The following TAS2R14 variants were observed in gnomAD, a reference collection of about 807,000 sequenced individuals.
TAS2R14 encodes taste receptor type 2 member 14.
For synonymous variants in TAS2R14, 131 were observed against 131.0 expected, an observed-to-expected ratio of 1.00 and a Z score of 0.00; for missense variants, 383 against 372.0, an observed-to-expected ratio of 1.03 and a Z score of -0.24.
exon 1 of TAS2R14, chr12:10,937,660 A>T (rs994282079): frequency 6.6e-6 from 1 of 152,190 alleles, no homozygotes; most frequent in Non-Finnish European, 1.5e-5. Context: ...TAAAATGGAG[A>T]AGTAAAATAA....
At chr12:10,938,767 CA>C in intron 4 of TAS2R14, 2 of 1,613,756 alleles carry the variant, frequency 1.2e-6, no homozygotes, top group Non-Finnish European at 1.7e-6. Context: ...GGATGTTTAT[CA>C]GTGCAATATT....
At chr12:10,938,547 C>T in exon 1 of TAS2R14, 6 of 1,613,996 alleles carry the variant, frequency 3.7e-6, no homozygotes, top group Non-Finnish European at 5.1e-6. Context: ...GTGCTGGCGT[C>T]TCCGGATATT....
chr12:10,938,643 T>G (rs375408441), exon 1 of TAS2R14: 1 of 1,613,798 alleles, frequency 6.2e-7, no homozygotes, highest in Non-Finnish European at 8.5e-7. Flanking sequence ...GTAAAGGGTA[T>G]GAAAATGAAC....
exon 5 of TAS2R14, chr12:10,938,362 AAG>A (rs1950325646): frequency 6.2e-7 from 1 of 1,613,906 alleles, no homozygotes; most frequent in Non-Finnish European, 8.5e-7. Context: ...TCTTGTTTCC[AAG>A]AATCAGAACA....
exon 1 of TAS2R14, chr12:10,938,848 G>A: frequency 6.2e-7 from 1 of 1,613,614 alleles, no homozygotes; most frequent in Non-Finnish European, 8.5e-7. Flanking sequence ...ACTTTAGGTA[G>A]AGAAAAATAG....
rs752347186 is a variant in TAS2R14 at position 10,938,852 on chromosome 12, A to C, written c.356T>G (p.Phe119Cys). The change falls in exon 1 of 1, where the codon TTT becomes TGT. Residue 119 changes from phenylalanine (F) to cysteine (C), a missense_variant. Transcript: ENST00000537503. ...TTTAACCCTCCACTTTAGGTAGAGA[A>C]AAATAGAGTTAGAAAAATTGGCTAT... 11 of 1,613,630 alleles carry C rather than the reference A, an allele frequency of 6.8e-6. No individual in the cohort carries two copies. The highest frequency in any genetic ancestry group is 2.7e-5 in the African/African-American group (2 of 74,924).
chr12:10,938,637 A>C, exon 1 of TAS2R14: 1 of 1,613,988 alleles, frequency 6.2e-7, no homozygotes, highest in Non-Finnish European at 8.5e-7. Flanking sequence ...GACAAAGTAA[A>C]GGGTATGAAA....
exon 1 of TAS2R14, chr12:10,939,084 A>T (rs1950348624): frequency 6.2e-7 from 1 of 1,614,010 alleles, no homozygotes; most frequent in Non-Finnish European, 8.5e-7. Context: ...TCAACCGAAG[A>T]GATCTTTCTT....
At chr12:10,938,489 T>C (rs1321842522) in exon 1 of TAS2R14, 2 of 1,614,060 alleles carry the variant, frequency 1.2e-6, no homozygotes, top group South Asian at 2.2e-5. Flanking sequence ...GAAAATGGCA[T>C]AGAGTAGGAA....
exon 1 of TAS2R14, chr12:10,938,307 T>C (rs1186389475): frequency 1.9e-6 from 3 of 1,613,666 alleles, no homozygotes; most frequent in Non-Finnish European, 2.5e-6. Context: ...TCTTTGAACA[T>C]GTACCTCAGC....
exon 1 of TAS2R14, chr12:10,938,982 A>G: frequency 6.2e-7 from 1 of 1,613,436 alleles, no homozygotes; most frequent in Non-Finnish European, 8.5e-7. Flanking sequence ...TCAGTGGCAA[A>G]TAAAGCTGGG....
exon 1 of TAS2R14, chr12:10,939,252 C>T (rs777717070): frequency 3.7e-6 from 4 of 1,089,714 alleles, no homozygotes; most frequent in Non-Finnish European, 5.2e-6. Flanking sequence ...CTGCTGAAGA[C>T]TTCTTAATGC....
chr12:10,939,009 A>C, exon 1 of TAS2R14: 1 of 1,613,672 alleles, frequency 6.2e-7, no homozygotes, highest in South Asian at 1.1e-5. Context: ...ACAGACACAC[A>C]CCAGCTTCCG....
chr12:10,938,361 C>T, exon 1 of TAS2R14: 1 of 1,613,956 alleles, frequency 6.2e-7, no homozygotes, highest in African/African-American at 1.3e-5. Context: ...TTCTTGTTTC[C>T]AAGAATCAGA....
chr12:10,938,059 T>A, exon 1 of TAS2R14: 1 of 482,902 alleles, frequency 2.1e-6, no homozygotes, highest in Non-Finnish European at 3.6e-6. Context: ...GAACTCTTTA[T>A]AGTATTCGCA....
exon 1 of TAS2R14, chr12:10,937,578 A>G (rs1207609840): frequency 1.3e-5 from 2 of 152,190 alleles, no homozygotes; most frequent in Admixed American, 6.5e-5. Flanking sequence ...AGTTACGATC[A>G]GGATTACTTA....
Position 10,939,237 on chromosome 12 carries a change from T to C in TAS2R14, c.-30A>G. 1 of 1,335,650 alleles carries C rather than the reference T, an allele frequency of 7.5e-7. No homozygotes were observed. The highest frequency in any genetic ancestry group is 2.2e-5 in the Admixed American group (1 of 44,588). The allele number at this position is 1,335,650 out of a possible 1,614,324, so 82.7% of individuals were successfully genotyped here. A position where few individuals can be genotyped will look rare whatever the true frequency, so the allele number is the denominator to read the frequency against. Reference sequence around the variant, plus strand: ...TGTAAGAGCATGCCCCAATGTCTAATATCACTGCTGAAGACTTCTTAATGC... The same window carrying C: ...TGTAAGAGCATGCCCCAATGTCTAACATCACTGCTGAAGACTTCTTAATGC... On this transcript the variant is annotated 5_prime_UTR_variant, in exon 1 of 1. The change creates a new upstream start codon in the 5' untranslated region. Transcript: ENST00000537503.
At chr12:10,938,815 C>G (rs1320574005) in exon 1 of TAS2R14, 1 of 1,613,202 alleles carries the variant, frequency 6.2e-7, no homozygotes. Flanking sequence ...GAAGCAGCAC[C>G]AAAACCACCT....
exon 1 of TAS2R14, chr12:10,938,612 A>G: frequency 6.2e-7 from 1 of 1,613,952 alleles, no homozygotes; most frequent in Non-Finnish European, 8.5e-7. Context: ...GATGAGGAGA[A>G]GAAACATTGC....
Sources: allele counts gnomAD v4.1 joint callset, GRCh38; gene constraint gnomAD v4.1.1; transcripts MANE v1.5; gene names NCBI Gene and HGNC (gene_info 2026-07-23, HGNC 2026-07-21).